The following LCT variants were observed in gnomAD, a reference collection of about 807,000 sequenced individuals.
LCT encodes lactase/phlorizin hydrolase.
LCT carries 90 observed loss-of-function variants against 173.0 expected under a neutral mutation model. That is an observed-to-expected ratio of 0.52 (90% CI 0.44 to 0.62). LCT has a LOEUF of 0.62. Ranked by LOEUF, LCT falls within the 20% of genes least tolerant of loss-of-function variation. The probability of loss-of-function intolerance (pLI) is 0.00; values close to 1 mark genes in which losing one functional copy is unlikely to be tolerated. For synonymous variants in LCT, 853 were observed against 957.6 expected, an observed-to-expected ratio of 0.89 and a Z score of 2.02; for missense variants, 1,864 against 2,431.4, an observed-to-expected ratio of 0.77 and a Z score of 4.91.
intron 7 of LCT, among the ~76,000 whole-genome samples, chr2:135,810,504 AAGG>A (rs2077725684): frequency 6.6e-6 from 1 of 152,118 alleles, no homozygotes. Context: ...TCTCAAACCA[AAGG>A]AGCATCCCCA....
At position 135,804,865 on chromosome 2, in the gene LCT, T is replaced by C. The variant is rs1035770230; in HGVS notation, c.4366A>G (p.Ile1456Val). 11 of 1,613,988 alleles carry C rather than the reference T, an allele frequency of 6.8e-6. No homozygotes were observed. Among genetic ancestry groups the C allele is most frequent in the Middle Eastern group, 1.6e-4 (1 of 6,076 alleles). Residue 1456 changes from isoleucine (I) to valine (V), a missense_variant, in exon 10 of 17, where the codon ATC (isoleucine) becomes GTC (valine). Coordinates refer to ENST00000264162, the MANE Select transcript of LCT (RefSeq NM_002299.4). ...TACCTGGTGGTTCCATCAGGGAGGATGCGAGACCAGGAGATGGAAAAACGG... is the reference window on the plus strand; with the variant it reads ...TACCTGGTGGTTCCATCAGGGAGGACGCGAGACCAGGAGATGGAAAAACGG... ...HYRFSISWSR[I>V]LPDGTTRYIN...
Position 135,808,530 on chromosome 2 carries a change from C to T in LCT, c.3817G>A (p.Glu1273Lys), listed in dbSNP as rs751898984. Residue 1273 changes from glutamate to lysine, a missense_variant, in exon 8 of 17, where the codon GAA becomes AAA. Around this residue, in one of 4 missense-constraint regions of LCT, gnomAD observed 755 missense variants for 926.3 expected, o/e 0.82. Transcript: ENST00000264162. ...GGATTGGTCAGCCCCACTCCGTTTT[C>T]GGTGATGTAAATGGGGATGTCACCA... ...EYGDIPIYIT[E>K]NGVGLTNPNT... The T allele has an allele frequency of 5.0e-6, 8 of 1,614,072 alleles. No homozygotes were observed. Among genetic ancestry groups the T allele is most frequent in the East Asian group, 2.2e-5 (1 of 44,892 alleles).
At chr2:135,835,654 T>C (rs1042522796) in intron 1 of LCT, among the ~76,000 whole-genome samples, 8 of 150,990 alleles carry the variant, frequency 5.3e-5, no homozygotes, top group Non-Finnish European at 1.0e-4. Context: ...TTGATTATAA[T>C]CACAAATGTC....
chr2:135,816,702 C>G (rs1243424788), intron 6 of LCT, among the ~76,000 whole-genome samples: 1 of 152,112 alleles, frequency 6.6e-6, no homozygotes, highest in Non-Finnish European at 1.5e-5. Context: ...CAAGAAGACT[C>G]GGACTCAAAT....
intron 7 of LCT, among the ~76,000 whole-genome samples, chr2:135,811,594 A>G (rs2077734701): frequency 6.6e-6 from 1 of 151,930 alleles, no homozygotes; most frequent in East Asian, 1.9e-4. Flanking sequence ...GGAAGAGTTA[A>G]TGGGTTGGAG....
At position 135,807,341 on chromosome 2, in the gene LCT, GT is replaced by G; in HGVS notation, c.3959del (p.Asp1320AlafsTer6). 1 of 1,614,146 alleles carries G rather than the reference GT, an allele frequency of 6.2e-7. No homozygotes were observed. Among genetic ancestry groups the G allele is most frequent in the Non-Finnish European group, 8.5e-7 (1 of 1,180,016 alleles). On this transcript the variant is annotated frameshift_variant, in exon 9 of 17. Transcript: ENST00000264162. LOFTEE classifies it high-confidence loss of function. ...LRGYVAWSLM[D>X]NFEWLNGYTV... is the part of the protein sequence containing the mutation. ...TGTAGCCATTTAGCCACTCAAAGTT[GT>G]CCATCAGAGACCAGGCGACATACCC...
At chr2:135,811,773 A>G (rs1210377551) in intron 7 of LCT, among the ~76,000 whole-genome samples, 1 of 148,684 alleles carries the variant, frequency 6.7e-6, no homozygotes, top group African/African-American at 2.5e-5. Context: ...ATGTAGAGGG[A>G]GGTATTCTAG....
At chr2:135,835,482 G>A (rs1363636449) in intron 1 of LCT, among the ~76,000 whole-genome samples, 14 of 67,958 alleles carry the variant, frequency 2.1e-4, no homozygotes, top group South Asian at 4.6e-4. Flanking sequence ...GAACATAGAA[G>A]TATATATATA....
rs148317168 is a variant in LCT, at chr2:135,808,748, G to A, written c.3599C>T (p.Thr1200Met). 1.4e-5 allele frequency: 23 copies of A among 1,614,056 alleles called. No individual in the cohort carries two copies. The highest frequency in any genetic ancestry group is 1.6e-5 in the Non-Finnish European group (19 of 1,180,018). Reference protein sequence around the residue: ...TEEEKRFIRATADVFCLNTYY... With the variant: ...TEEEKRFIRAMADVFCLNTYY... ...CGTGTTGAGGCAGAAGACGTCGGCC[G>A]TCGCCCTGATGAACCTCTTCTCTTC... Residue 1200 changes from threonine (T) to methionine (M), a missense_variant, in exon 8 of 17, where the codon ACG (threonine) becomes ATG (methionine). Thr to Met is a moderately conservative substitution (Grantham distance 81). This residue lies in a region of LCT where 755 missense variants were observed against 926.3 expected (regional missense o/e 0.82). Coordinates refer to ENST00000264162, the MANE Select transcript of LCT (RefSeq NM_002299.4).
chr2:135,829,448 A>G (rs560189142), intron 3 of LCT, 145 bp downstream of exon 3: 13 of 728,860 alleles, frequency 1.8e-5, no homozygotes, highest in East Asian at 2.5e-5. Context: ...GATGCTTGCA[A>G]TGGAAATCTC....
rs765707300 is a variant in LCT at position 135,807,236 on chromosome 2, G to A, written c.4065C>T (p.Tyr1355=). The A allele has an allele frequency of 9.9e-6, 16 of 1,614,092 alleles. No individual in the cohort carries two copies. The highest frequency in any genetic ancestry group is 2.2e-5 in the East Asian group (1 of 44,900). ...PRTARASARY[Y]TEVITNNGMP... ...TGCCGTTGTTGGTAATGACCTCTGT[G>A]TAGTACCTGGCGGAGGCTCTTGCTG... The change falls in exon 9 of 17, where the codon TAC becomes TAT. Residue 1355 remains tyrosine, a synonymous_variant. Coordinates refer to ENST00000264162, the MANE Select transcript of LCT (RefSeq NM_002299.4).
chr2:135,800,882 G>C, intron 11 of LCT, 73 bp from the exon 12 acceptor site: 1 of 1,184,618 alleles, frequency 8.4e-7, no homozygotes, highest in Non-Finnish European at 1.3e-6. Context: ...GTCCCTGCCT[G>C]CAGATGTCCC....
In LCT at chr2:135,836,684, G is replaced by A. The variant is rs373202882; in HGVS notation, c.486C>T (p.Phe162=). 23 of 1,614,186 alleles carry A rather than the reference G, an allele frequency of 1.4e-5. No homozygotes were observed. In the African/African-American group the frequency reaches 2.1e-4, roughly 15 times the overall value. The change falls in exon 1 of 17, where the codon TTC becomes TTT. Residue 162 remains phenylalanine (F), a synonymous_variant. Coordinates refer to ENST00000264162, the MANE Select transcript of LCT (RefSeq NM_002299.4). ...TGAACCAGATCCCAACTAGGTCCCC[G>A]AAGGAGTGGAAGGCGAATGTGGCAT... ...ADYATFAFHS[F]GDLVGIWFTF...
intron 3 of LCT, among the ~76,000 whole-genome samples, chr2:135,829,067 T>C (rs2077911172): frequency 2.0e-5 from 3 of 152,026 alleles, no homozygotes; most frequent in Non-Finnish European, 2.9e-5. Flanking sequence ...TGTGTGTTCC[T>C]GTCATCTCAG....
intron 5 of LCT, among the ~76,000 whole-genome samples, chr2:135,819,347 G>A (rs2077809059): frequency 6.6e-6 from 1 of 151,118 alleles, no homozygotes; most frequent in Non-Finnish European, 1.5e-5. Flanking sequence ...CTTCTAAATT[G>A]AGTCATGTCA....
chr2:135,817,780 T>C lies in LCT; in HGVS notation c.1268A>G (p.Gln423Arg), dbSNP rs1357918772. The change falls in exon 6 of 17, where the codon CAA (glutamine) becomes CGA (arginine). Residue 423 changes from glutamine (Q) to arginine (R), a missense_variant. This residue lies in a region of LCT where 183 missense variants were observed against 293.1 expected (regional missense o/e 0.62). Coordinates refer to ENST00000264162, the MANE Select transcript of LCT (RefSeq NM_002299.4). ...PRRPLNTTEG[Q>R]ATLEVASDSY... ...GTCGCTGGCCACCTCCAGCGTCGCT[T>C]GGCCCTCAGTGGTGTTCAGGGGCCT... is the stretch of plus-strand genomic sequence containing the variant. 6.2e-7 allele frequency: 1 copy of C among 1,613,888 alleles called. No individual in the cohort carries two copies. The highest frequency in any genetic ancestry group is 8.5e-7 in the Non-Finnish European group (1 of 1,180,038).
rs748661551 is a variant in LCT, at chr2:135,788,518, T to C, written c.5590A>G (p.Arg1864Gly). The C allele has an allele frequency of 5.0e-6, 8 of 1,611,792 alleles. No homozygotes were observed. The South Asian group carries it at 6.6e-5, about 13-fold the overall frequency. ...CCCAGGAACTGCACCTCCTCCTGTC[T>C]CACGGGGCTGATGGTGGGTCCAGCA... ...PDAGPTISPV[R>G]QEEVQFLGLM... The change falls in exon 17 of 17, where the codon AGA (arginine) becomes GGA (glycine). Residue 1864 changes from arginine (R) to glycine (G), a missense_variant. Arg to Gly is a moderately radical substitution (Grantham distance 125). This residue lies in a region of LCT where 514 missense variants were observed against 750.1 expected (regional missense o/e 0.69). Transcript: ENST00000264162.
chr2:135,806,281 G>A (rs1451210871), intron 9 of LCT, among the ~76,000 whole-genome samples: 3 of 152,180 alleles, frequency 2.0e-5, no homozygotes, highest in African/African-American at 4.8e-5. Context: ...CTGGACCAAT[G>A]TGCTTGTTTT....
intron 6 of LCT, among the ~76,000 whole-genome samples, 162 bp from the exon 7 acceptor site, chr2:135,813,118 C>T (rs765011157): frequency 1.2e-4 from 19 of 152,100 alleles, no homozygotes; most frequent in African/African-American, 2.2e-4. Context: ...CTAATGTTAA[C>T]ATCAAGTCAT....
Sources: gnomAD v4.1 joint callset for allele counts (sites outside exome capture counted in the v4.1 genomes callset) on GRCh38, gnomAD v4.1.1 for gene constraint, gnomAD v4.1.1 regional missense constraint, MANE v1.5 for transcripts, NCBI Gene and HGNC (gene_info 2026-07-23, HGNC 2026-07-21) for gene names.